The following DCC variants were observed in gnomAD, a reference collection of about 807,000 sequenced individuals.
DCC encodes the protein DCC netrin 1 receptor.
DCC carries 58 observed loss-of-function variants against 172.5 expected under a neutral mutation model. The observed-to-expected ratio is 0.34, with a 90% confidence interval of 0.27 to 0.42. The LOEUF (loss-of-function observed/expected upper bound fraction) is 0.42, where lower values mean the gene tolerates loss of function less well. DCC is among the 10% of genes least tolerant of loss of function. The pLI is 1.00. For synonymous variants in DCC, 709 were observed against 644.5 expected (o/e 1.10, Z -1.52); for missense variants, 1,740 against 1,791.0 (o/e 0.97, Z 0.51).
chr18:52,397,110 TC>T (rs1986260233), intron 1 of DCC, among the ~76,000 whole-genome samples: 1 of 152,062 alleles, frequency 6.6e-6, no homozygotes, highest in African/African-American at 2.4e-5. Context: ...GTATACTACA[TC>T]TTTTTCTTTT....
intron 1 of DCC, among the ~76,000 whole-genome samples, chr18:52,495,847 T>A (rs2030725402): frequency 6.6e-6 from 1 of 151,944 alleles, no homozygotes; most frequent in South Asian, 2.1e-4. Context: ...ATGGTGGCTT[T>A]GACATCAGGG....
At chr18:52,933,589 G>A (rs192712317) in intron 5 of DCC, among the ~76,000 whole-genome samples, 9 of 152,164 alleles carry the variant, frequency 5.9e-5, no homozygotes, top group Admixed American at 4.6e-4. Flanking sequence ...AATCCATATA[G>A]GTCTTGAGTA....
At chr18:52,468,297 G>A (rs1988846324) in intron 1 of DCC, among the ~76,000 whole-genome samples, 1 of 152,188 alleles carries the variant, frequency 6.6e-6, no homozygotes, top group African/African-American at 2.4e-5. Flanking sequence ...AGATGATGTA[G>A]TAACCACAAA....
chr18:52,711,024 A>G (rs16955415), intron 1 of DCC, among the ~76,000 whole-genome samples: 5,645 of 152,292 alleles, frequency 0.037, 148 homozygotes, highest in African/African-American at 0.065. Context: ...GGTTTCCAAA[A>G]CAATAACTTT....
chr18:52,811,509 T>C (rs2038198246), intron 2 of DCC, among the ~76,000 whole-genome samples: 1 of 152,196 alleles, frequency 6.6e-6, no homozygotes, highest in Non-Finnish European at 1.5e-5. Context: ...GAAGAGGGAC[T>C]CATAACTTAC....
intron 2 of DCC, among the ~76,000 whole-genome samples, chr18:52,804,423 A>T (rs2038049239): frequency 6.6e-6 from 1 of 152,250 alleles, no homozygotes; most frequent in African/African-American, 2.4e-5. Context: ...CTTATGAAAT[A>T]GTTTCATCTA....
At chr18:52,443,241 C>T (rs1051281739) in intron 1 of DCC, among the ~76,000 whole-genome samples, 4 of 152,000 alleles carry the variant, frequency 2.6e-5, no homozygotes, top group African/African-American at 4.8e-5. Context: ...ATTGGATGTG[C>T]CCAATAATTA....
intron 5 of DCC, among the ~76,000 whole-genome samples, chr18:52,950,031 G>A (rs2040611419): frequency 6.6e-6 from 1 of 152,196 alleles, no homozygotes; most frequent in Non-Finnish European, 1.5e-5. Context: ...CAGGGGCATG[G>A]TTGGCACTGG....
intron 2 of DCC, among the ~76,000 whole-genome samples, chr18:52,863,375 C>T (rs2039173751): frequency 6.6e-6 from 1 of 151,644 alleles, no homozygotes; most frequent in Non-Finnish European, 1.5e-5. Flanking sequence ...CAGTCATGTA[C>T]TAACAATTTA....
At chr18:53,093,226 A>G (rs1444743718) in intron 7 of DCC, among the ~76,000 whole-genome samples, 1 of 152,122 alleles carries the variant, frequency 6.6e-6, no homozygotes, top group Non-Finnish European at 1.5e-5. Context: ...GCAGTGAGCT[A>G]AGATCACACC....
chr18:53,147,431 A>G (rs2043932618), intron 7 of DCC, among the ~76,000 whole-genome samples: 1 of 152,228 alleles, frequency 6.6e-6, no homozygotes, highest in Non-Finnish European at 1.5e-5. Context: ...ACTTCATAAC[A>G]GTGGCATAAT....
At chr18:53,054,311 G>A (rs569412431) in intron 5 of DCC, among the ~76,000 whole-genome samples, 1 of 151,908 alleles carries the variant, frequency 6.6e-6, no homozygotes, top group East Asian at 1.9e-4. Flanking sequence ...ATTCTCATTA[G>A]AGAATGTATA....
chr18:52,977,944 T>C (rs1412991724), intron 5 of DCC, among the ~76,000 whole-genome samples: 1 of 150,246 alleles, frequency 6.7e-6, no homozygotes, highest in African/African-American at 2.4e-5. Flanking sequence ...TTGGCTCTAA[T>C]TTAGGACAAC....
chr18:52,663,800 T>C (rs2035409256), intron 1 of DCC, among the ~76,000 whole-genome samples: 1 of 152,104 alleles, frequency 6.6e-6, no homozygotes, highest in South Asian at 2.1e-4. Context: ...AGAACACTAT[T>C]TAGAAATAAG....
chr18:52,496,103 T>C (rs866077487), intron 1 of DCC, among the ~76,000 whole-genome samples: 57 of 152,300 alleles, frequency 3.7e-4, no homozygotes, highest in African/African-American at 1.3e-3. Context: ...GCAGTGTTAT[T>C]ACTTATCCTG....
intron 1 of DCC, among the ~76,000 whole-genome samples, chr18:52,662,899 T>C (rs555226470): frequency 6.6e-6 from 1 of 152,214 alleles, no homozygotes; most frequent in Non-Finnish European, 1.5e-5. Flanking sequence ...ACTCACTGGG[T>C]TTATTTTATA....
At chr18:52,558,990 GATTA>G in intron 1 of DCC, among the ~76,000 whole-genome samples, 1 of 152,302 alleles carries the variant, frequency 6.6e-6, no homozygotes, top group African/African-American at 2.4e-5. Flanking sequence ...GCAGAACTAG[GATTA>G]ATTGTCTCGA....
At chr18:52,896,509 T>C (rs1943110) in intron 2 of DCC, among the ~76,000 whole-genome samples, 60,094 of 152,014 alleles carry the variant, frequency 0.4, 12,469 homozygotes, top group Non-Finnish European at 0.47. Flanking sequence ...TTCACATACA[T>C]AAATGGCATT....
At chr18:52,771,176 T>C (rs904753970) in intron 2 of DCC, among the ~76,000 whole-genome samples, 1 of 152,326 alleles carries the variant, frequency 6.6e-6, no homozygotes, top group African/African-American at 2.4e-5. Flanking sequence ...GCATTAGAGC[T>C]GGTGCTTGAG....
Sources: allele counts gnomAD v4.1 joint callset (sites outside exome capture counted in the v4.1 genomes callset), GRCh38; gene constraint gnomAD v4.1.1; transcripts MANE v1.5; gene names NCBI Gene and HGNC (gene_info 2026-07-23, HGNC 2026-07-21).